Variants in GRXCR1 observed in about 807,000 individuals in gnomAD.
GRXCR1 encodes glutaredoxin and cysteine rich domain containing 1.
A neutral mutation model predicts 27.3 loss-of-function variants in GRXCR1; 27 were observed. That is an observed-to-expected ratio of 0.99 (90% CI 0.73 to 1.37). The LOEUF is 1.37. Ranked by LOEUF, GRXCR1 falls within the 40% of genes most tolerant of loss-of-function variation. The pLI, the probability that GRXCR1 is intolerant of heterozygous loss-of-function variation, is 0.00. For synonymous variants in GRXCR1, 122 were observed against 131.1 expected, an observed-to-expected ratio of 0.93 and a Z score of 0.47; for missense variants, 379 against 354.4, an observed-to-expected ratio of 1.07 and a Z score of -0.56.
chr4:42,925,320 T>C (rs969245883), intron 1 of GRXCR1, among the ~76,000 whole-genome samples: 4 of 152,006 alleles, frequency 2.6e-5, no homozygotes, highest in African/African-American at 9.7e-5. Flanking sequence ...GGAAGTAGGA[T>C]GTTCCAACAA....
At chr4:42,960,425 A>G (rs1381764104) in intron 1 of GRXCR1, among the ~76,000 whole-genome samples, 3 of 151,972 alleles carry the variant, frequency 2.0e-5, no homozygotes, top group Non-Finnish European at 2.9e-5. Context: ...GTTAATATGA[A>G]GAGGAGGTAT....
chr4:42,968,658 A>G (rs908407776), intron 2 of GRXCR1, among the ~76,000 whole-genome samples: 45 of 152,096 alleles, frequency 3.0e-4, no homozygotes, highest in African/African-American at 1.1e-3. Flanking sequence ...TCCTAATAGT[A>G]TAAGGTAGTT....
chr4:42,970,367 C>T (rs1748356974), intron 2 of GRXCR1, among the ~76,000 whole-genome samples: 1 of 152,148 alleles, frequency 6.6e-6, no homozygotes, highest in Non-Finnish European at 1.5e-5. Context: ...CAGCACTGTT[C>T]TAGTAAAGGT....
At chr4:42,942,862 C>T (rs1747656579) in intron 1 of GRXCR1, among the ~76,000 whole-genome samples, 1 of 152,066 alleles carries the variant, frequency 6.6e-6, no homozygotes, top group Non-Finnish European at 1.5e-5. Flanking sequence ...AATAATAACT[C>T]AAAAGACCTT....
chr4:42,933,514 T>A (rs1178774094), intron 1 of GRXCR1, among the ~76,000 whole-genome samples: 1 of 151,962 alleles, frequency 6.6e-6, no homozygotes, highest in Non-Finnish European at 1.5e-5. Flanking sequence ...CCTCTTCTTT[T>A]TCCTCACTGC....
chr4:42,989,653 A>G (rs536683332), intron 2 of GRXCR1, among the ~76,000 whole-genome samples: 1 of 152,306 alleles, frequency 6.6e-6, no homozygotes, highest in East Asian at 1.9e-4. Context: ...TACATCAAGC[A>G]TATCAGGGTT....
chr4:42,963,253 T>G, intron 2 of GRXCR1, 119 bp downstream of exon 2: 1 of 1,187,050 alleles, frequency 8.4e-7, no homozygotes, highest in Non-Finnish European at 1.3e-6. Flanking sequence ...TTTTTGGAGC[T>G]CAAACCAAAG....
intron 2 of GRXCR1, among the ~76,000 whole-genome samples, chr4:43,000,621 A>G (rs768470366): frequency 6.6e-6 from 1 of 151,898 alleles, no homozygotes; most frequent in Non-Finnish European, 1.5e-5. Flanking sequence ...CTATTTTACT[A>G]TTAATTGTTG....
intron 1 of GRXCR1, among the ~76,000 whole-genome samples, chr4:42,937,930 A>C (rs1440424155): frequency 6.6e-6 from 1 of 151,980 alleles, no homozygotes; most frequent in Admixed American, 6.6e-5. Flanking sequence ...TAAACATTTC[A>C]ATTGAATTCT....
intron 1 of GRXCR1, among the ~76,000 whole-genome samples, chr4:42,898,240 T>C (rs1207441179): frequency 7.4e-6 from 1 of 134,826 alleles, no homozygotes; most frequent in East Asian, 2.0e-4. Flanking sequence ...TTATCATTTA[T>C]TGAACATTTG....
intron 1 of GRXCR1, among the ~76,000 whole-genome samples, chr4:42,928,069 G>T (rs1268833976): frequency 6.6e-6 from 1 of 151,952 alleles, no homozygotes; most frequent in African/African-American, 2.4e-5. Flanking sequence ...CTGGCTAAGG[G>T]TTACTTCATG....
At chr4:42,904,005 G>A (rs1420789932) in intron 1 of GRXCR1, among the ~76,000 whole-genome samples, 1 of 152,162 alleles carries the variant, frequency 6.6e-6, no homozygotes. Flanking sequence ...TCGCCTTGAT[G>A]TTTCTAAAGC....
chr4:42,963,453 G>A (rs561689919), intron 2 of GRXCR1, among the ~76,000 whole-genome samples: 2 of 151,776 alleles, frequency 1.3e-5, no homozygotes, highest in Admixed American at 6.6e-5. Context: ...TTTTAGTGTA[G>A]GCAAGAAAAA....
At chr4:42,942,114 T>G (rs1404387661) in intron 1 of GRXCR1, among the ~76,000 whole-genome samples, 1 of 151,892 alleles carries the variant, frequency 6.6e-6, no homozygotes, top group East Asian at 1.9e-4. Context: ...GCATCGTAAT[T>G]GGAAACTATT....
At chr4:42,990,646 A>C (rs892795218) in intron 2 of GRXCR1, among the ~76,000 whole-genome samples, 2 of 152,092 alleles carry the variant, frequency 1.3e-5, no homozygotes, top group Non-Finnish European at 2.9e-5. Context: ...ATTTCCAAGA[A>C]ACTAAATGTT....
At chr4:42,972,493 C>A (rs1052155700) in intron 2 of GRXCR1, among the ~76,000 whole-genome samples, 1 of 152,108 alleles carries the variant, frequency 6.6e-6, no homozygotes, top group Non-Finnish European at 1.5e-5. Flanking sequence ...AGAATTTAAG[C>A]AGTTGCTTGT....
At chr4:42,936,460 T>G (rs1370140215) in intron 1 of GRXCR1, among the ~76,000 whole-genome samples, 1 of 151,892 alleles carries the variant, frequency 6.6e-6, no homozygotes, top group Non-Finnish European at 1.5e-5. Context: ...TAGTTTTTGA[T>G]TTACAGAAAA....
intron 1 of GRXCR1, among the ~76,000 whole-genome samples, chr4:42,927,936 A>G (rs1747211226): frequency 6.6e-6 from 1 of 151,994 alleles, no homozygotes; most frequent in African/African-American, 2.4e-5. Context: ...GAAAACCAAT[A>G]AAAGAAAACC....
intron 2 of GRXCR1, among the ~76,000 whole-genome samples, chr4:42,971,207 T>C (rs767070321): frequency 5.9e-5 from 9 of 152,130 alleles, no homozygotes; most frequent in Non-Finnish European, 1.2e-4. Flanking sequence ...GTCAAGTCCA[T>C]TCAACAAGTT....
Sources: gnomAD v4.1 joint callset for allele counts (sites outside exome capture counted in the v4.1 genomes callset) on GRCh38, gnomAD v4.1.1 for gene constraint, MANE v1.5 for transcripts, NCBI Gene and HGNC (gene_info 2026-07-23, HGNC 2026-07-21) for gene names.